The following TVP23C variants were observed in gnomAD, a reference collection of about 807,000 sequenced individuals.
TVP23C encodes the protein trans-golgi network vesicle protein 23 homolog C.
TVP23C carries 19 observed loss-of-function variants against 28.7 expected under a neutral mutation model. The observed-to-expected ratio is 0.66, with a 90% CI of 0.46 to 0.97. TVP23C has a LOEUF of 0.97. TVP23C is among the 50% of genes least tolerant of loss of function. TVP23C has a pLI of 0.00. For synonymous variants in TVP23C, 68 were observed against 81.7 expected (o/e 0.83, Z 0.90); for missense variants, 186 against 241.3 (o/e 0.77, Z 1.52).
chr17:15,513,917 G>C (rs528032299), intron 5 of TVP23C, among the ~76,000 whole-genome samples: 1 of 152,372 alleles, frequency 6.6e-6, no homozygotes, highest in South Asian at 2.1e-4. Context: ...GCTGGATGTA[G>C]AAAGTGCTTT....
intron 4 of TVP23C, among the ~76,000 whole-genome samples, chr17:15,546,489 G>A (rs928265656): frequency 7.2e-5 from 11 of 151,758 alleles, no homozygotes; most frequent in Non-Finnish European, 1.5e-4. Context: ...TTGGTGTACT[G>A]TCGCCAAGAA....
Position 15,538,040 on chromosome 17 carries a change from T to C in TVP23C, c.*2372A>G. The C allele has an allele frequency of 6.4e-7, 1 of 1,556,828 alleles. No individual in the cohort carries two copies. Among genetic ancestry groups the C allele is most frequent in the Non-Finnish European group, 8.7e-7 (1 of 1,152,608 alleles). ...GGAAAAACAAAGCCAACACTCCTCG[T>C]TGCAACATGGACTAAGCTCTAAAAG... On this transcript the variant is annotated 3_prime_UTR_variant, in exon 6 of 6. Transcript: ENST00000518321.
chr17:15,524,723 G>A (rs1393169622), intron 5 of TVP23C, among the ~76,000 whole-genome samples: 5 of 149,516 alleles, frequency 3.3e-5, no homozygotes, highest in Non-Finnish European at 7.4e-5. Context: ...GCACACAGTG[G>A]CTATAGGTGC....
At chr17:15,512,768 T>C (rs1023614043) in intron 5 of TVP23C, among the ~76,000 whole-genome samples, 8 of 152,174 alleles carry the variant, frequency 5.3e-5, no homozygotes, top group African/African-American at 9.7e-5. Flanking sequence ...AAAGCAGCCA[T>C]TGTATTTCAA....
intron 4 of TVP23C, among the ~76,000 whole-genome samples, chr17:15,546,816 C>T (rs1317914812): frequency 4.0e-5 from 6 of 151,468 alleles, no homozygotes; most frequent in Non-Finnish European, 8.8e-5. Flanking sequence ...GGCAGCTTAG[C>T]ACACTGTATG....
chr17:15,556,992 A>G (rs1349794207), intron 1 of TVP23C, among the ~76,000 whole-genome samples: 6 of 150,254 alleles, frequency 4.0e-5, no homozygotes, highest in African/African-American at 1.5e-4. Context: ...CTGAAGCAAT[A>G]CTGTTACTAC....
intron 5 of TVP23C, chr17:15,516,370 C>A (rs34236889): frequency 0.11 from 17,228 of 152,226 alleles, 1,130 homozygotes; most frequent in Middle Eastern, 0.18. Flanking sequence ...GCTGTCATAA[C>A]AAAGTTCCTT....
chr17:15,561,125 T>C lies in TVP23C; in HGVS notation c.12+2312A>G, dbSNP rs1984363523. Among the ~76,000 whole-genome samples, 6 of 152,164 alleles carry C rather than the reference T, an allele frequency of 3.9e-5. No homozygotes were observed. The South Asian group carries it at 1.2e-3, about 32-fold the overall frequency. On this transcript the variant is annotated intron_variant, in intron 1 of 5. Transcript: ENST00000518321. ...AGTGTGAAAATTGTCTTCCGACGGC[T>C]TCCATTTTCAGTGAAACAAGAAGCA... is the stretch of plus-strand genomic sequence containing the variant.
At chr17:15,529,885 G>A (rs549043855) in intron 5 of TVP23C, among the ~76,000 whole-genome samples, 33 of 151,984 alleles carry the variant, frequency 2.2e-4, no homozygotes, top group African/African-American at 6.8e-4. Flanking sequence ...TGCAACCTCC[G>A]CCTCCTGGGT....
At chr17:15,536,962 G>T, downstream of TVP23C, 1 of 353,682 alleles carries the variant, frequency 2.8e-6, no homozygotes, top group Non-Finnish European at 3.9e-6. Context: ...AGGGTTACAT[G>T]AGATTACACA....
intron 2 of TVP23C, among the ~76,000 whole-genome samples, chr17:15,554,449 G>A (rs1984040206): frequency 6.6e-6 from 1 of 152,044 alleles, no homozygotes; most frequent in South Asian, 2.1e-4. Context: ...ATGTTAGCCA[G>A]GATGATCTCA....
intron 5 of TVP23C, among the ~76,000 whole-genome samples, chr17:15,528,397 T>C (rs1982815097): frequency 6.6e-6 from 1 of 151,986 alleles, no homozygotes; most frequent in African/African-American, 2.4e-5. Context: ...TTCACATCTT[T>C]GTGAATTTCC....
At chr17:15,507,178 CA>C in intron 5 of TVP23C, 1 of 745,466 alleles carries the variant, frequency 1.3e-6, no homozygotes, top group Admixed American at 1.8e-5. Context: ...GGACCCGATA[CA>C]AACGGTTCCT....
intron 5 of TVP23C, among the ~76,000 whole-genome samples, chr17:15,505,315 T>A (rs143570697): frequency 6.6e-6 from 1 of 152,072 alleles, no homozygotes; most frequent in East Asian, 1.9e-4. Context: ...GGGCTGGGAG[T>A]TTGTTGGTGG....
chr17:15,502,356 G>GC (rs1353100185), exon 6 of TVP23C: 1 of 149,380 alleles, frequency 6.7e-6, no homozygotes, highest in Non-Finnish European at 1.5e-5. Flanking sequence ...GATCTGTTAA[G>GC]CCTTACACAT....
intron 5 of TVP23C, among the ~76,000 whole-genome samples, chr17:15,523,556 C>A (rs931114152): frequency 4.2e-4 from 64 of 151,784 alleles, no homozygotes; most frequent in African/African-American, 1.4e-3. Flanking sequence ...TGATCCACCC[C>A]CTTTGGCCTC....
intron 5 of TVP23C, among the ~76,000 whole-genome samples, chr17:15,513,975 G>A (rs1055491711): frequency 2.6e-5 from 4 of 152,194 alleles, no homozygotes; most frequent in Non-Finnish European, 5.9e-5. Context: ...GACGGTGAGG[G>A]AGGCCCAGAG....
chr17:15,561,836 A>G (rs935848862), intron 1 of TVP23C, among the ~76,000 whole-genome samples: 7 of 152,166 alleles, frequency 4.6e-5, no homozygotes, highest in African/African-American at 1.7e-4. Context: ...AAATCACAGG[A>G]TGAGATGTGA....
At position 15,539,842 on chromosome 17, in the gene TVP23C, C is replaced by T. The variant is rs1177799603; in HGVS notation, c.*570G>A. On this transcript the variant is annotated 3_prime_UTR_variant, in exon 6 of 6. Coordinates refer to ENST00000518321, the MANE Select transcript of TVP23C (RefSeq NM_001135036.2). ...GGCACGGTGGCTCACGCCTGTAATC[C>T]CAGCACTTTGGGAGGCTGAGGTGGG... The T allele has an allele frequency of 1.1e-6, 1 of 950,084 alleles. No homozygotes were observed. Among genetic ancestry groups the T allele is most frequent in the East Asian group, 1.2e-4 (1 of 8,628 alleles). The allele number at this position is 950,084 out of a possible 1,614,324, so 58.9% of individuals were successfully genotyped here.
Sources: allele counts gnomAD v4.1 joint callset (sites outside exome capture counted in the v4.1 genomes callset), GRCh38; gene constraint gnomAD v4.1.1; transcripts MANE v1.5; gene names NCBI Gene and HGNC (gene_info 2026-07-23, HGNC 2026-07-21).